The following PRKN variants were observed in gnomAD, a reference collection of about 807,000 sequenced individuals.
PRKN encodes parkin RBR E3 ubiquitin protein ligase.
PRKN carries 56 observed loss-of-function variants against 59.5 expected under a neutral mutation model. The observed-to-expected ratio is 0.94, with a 90% CI of 0.76 to 1.18. The LOEUF is 1.18. Among genes scored for constraint, PRKN ranks in the 50% most tolerant of loss-of-function variants. The pLI is 0.00. For synonymous variants in PRKN, 250 were observed against 222.1 expected, an observed-to-expected ratio of 1.13 and a Z score of -1.12; for missense variants, 657 against 596.4, an observed-to-expected ratio of 1.10 and a Z score of -1.06.
intron 1 of PRKN, among the ~76,000 whole-genome samples, chr6:162,633,191 T>C (rs1380395922): frequency 2.6e-5 from 4 of 151,646 alleles, no homozygotes; most frequent in African/African-American, 9.7e-5. Flanking sequence ...CCCAGCACTT[T>C]GGGAGGCCGA....
chr6:161,960,716 G>A (rs1436236348), intron 6 of PRKN, among the ~76,000 whole-genome samples: 2 of 152,178 alleles, frequency 1.3e-5, no homozygotes, highest in East Asian at 3.9e-4. Flanking sequence ...GCAGCTTGCT[G>A]GGGACAGAAA....
intron 9 of PRKN, among the ~76,000 whole-genome samples, chr6:161,464,318 C>A (rs1790346014): frequency 6.6e-6 from 1 of 152,158 alleles, no homozygotes; most frequent in African/African-American, 2.4e-5. Flanking sequence ...CCAGCTGGTA[C>A]TTTCTCAAGC....
chr6:162,018,777 T>A (rs1057305252), intron 5 of PRKN, among the ~76,000 whole-genome samples: 10 of 152,190 alleles, frequency 6.6e-5, no homozygotes, highest in Admixed American at 2.0e-4. Context: ...TACCATTAAA[T>A]AAATCCTACA....
At chr6:162,246,352 T>C (rs573194339) in intron 3 of PRKN, among the ~76,000 whole-genome samples, 3 of 152,204 alleles carry the variant, frequency 2.0e-5, no homozygotes, top group South Asian at 2.1e-4. Context: ...CAAAGAGACA[T>C]GCCTAGAAAG....
intron 7 of PRKN, among the ~76,000 whole-genome samples, chr6:161,651,231 C>G (rs1784137973): frequency 6.6e-6 from 1 of 152,176 alleles, no homozygotes; most frequent in Non-Finnish European, 1.5e-5. Context: ...TTAGCAGGGT[C>G]AAAATATGTA....
intron 1 of PRKN, among the ~76,000 whole-genome samples, chr6:162,510,255 T>G (rs964481243): frequency 2.0e-5 from 3 of 152,356 alleles, no homozygotes; most frequent in Non-Finnish European, 2.9e-5. Context: ...TATTTTCCTC[T>G]TTTGCAATTG....
intron 6 of PRKN, among the ~76,000 whole-genome samples, chr6:161,874,287 T>TGAAA (rs796579223): frequency 6.2e-5 from 1 of 16,188 alleles, no homozygotes; most frequent in Non-Finnish European, 1.2e-4. Context: ...ATATTATATA[T>TGAAA]TATATATTAC....
rs1198831779 is a variant in PRKN at position 161,480,015 on chromosome 6, G to A, written c.1083+68839C>T. Among the ~76,000 whole-genome samples, 2 of 152,204 alleles carry A rather than the reference G, an allele frequency of 1.3e-5. No homozygotes were observed. Among genetic ancestry groups the A allele is most frequent in the Non-Finnish European group, 2.9e-5 (2 of 68,034 alleles). On this transcript the variant is annotated intron_variant, in intron 9 of 11. Transcript: ENST00000366898. The surrounding 1 kb of genome is among the most constrained non-coding windows in gnomAD (Gnocchi z 4.1). The stretch of plus-strand genomic sequence containing the variant: ...AATTCCTTGCTCCCTTCCCTCTGGT[G>A]CGGGATCATGGAAGCCCAGGTGAAG...
At chr6:161,489,561 A>G (rs1777467590) in intron 9 of PRKN, among the ~76,000 whole-genome samples, 1 of 152,230 alleles carries the variant, frequency 6.6e-6, no homozygotes, top group Non-Finnish European at 1.5e-5. Flanking sequence ...CTCCATCTCA[A>G]AAACAACAAC....
intron 5 of PRKN, among the ~76,000 whole-genome samples, chr6:162,053,697 T>C (rs1253641251): frequency 6.6e-6 from 1 of 152,096 alleles, no homozygotes; most frequent in Non-Finnish European, 1.5e-5. Context: ...CAATTTTGAA[T>C]GATGGGGAAT....
rs71567655 is a variant in PRKN at position 162,547,483 on chromosome 6, G to A, written c.8-104010C>T. ...AATTGGATATTTACAAAAACCCGTC[G>A]ATTGAAGTAGGCAGCAATTCTTTCT... On this transcript the variant is annotated intron_variant, in intron 1 of 11. Transcript: ENST00000366898. 7.9e-3 allele frequency among the ~76,000 whole-genome samples: 1,202 copies of A among 152,256 alleles called. 16 individuals are homozygous for A. Among genetic ancestry groups the A allele is most frequent in the Non-Finnish European group, 0.011 (753 of 68,022 alleles).
Position 161,497,905 on chromosome 6 carries a change from A to G in PRKN, c.1083+50949T>C, listed in dbSNP as rs970627081. On this transcript the variant is annotated intron_variant, in intron 9 of 11. Transcript: ENST00000366898. The surrounding 1 kb of genome is among the most constrained non-coding windows in gnomAD (Gnocchi z 4.6). ...GATGCTTTCCAATTATTTTCACTTC[A>G]AAGAAATACTTTAATATATTTAGTT... 3.9e-5 allele frequency among the ~76,000 whole-genome samples: 6 copies of G among 152,184 alleles called. No individual in the cohort carries two copies. Among genetic ancestry groups the G allele is most frequent in the Non-Finnish European group, 7.3e-5 (5 of 68,036 alleles).
intron 2 of PRKN, among the ~76,000 whole-genome samples, chr6:162,329,511 C>G (rs73600126): frequency 0.05 from 7,625 of 152,144 alleles, 632 homozygotes; most frequent in African/African-American, 0.17. Flanking sequence ...AGCATCAGGT[C>G]TGGCCTTGGT....
At chr6:161,874,903 ATATAT>A in intron 6 of PRKN, among the ~76,000 whole-genome samples, 1 of 105,118 alleles carries the variant, frequency 9.5e-6, no homozygotes, top group East Asian at 2.6e-4. Flanking sequence ...AATATATAAT[ATATAT>A]TATAAAATAT....
chr6:161,508,668 C>T (rs1778263239), intron 9 of PRKN, among the ~76,000 whole-genome samples: 1 of 152,260 alleles, frequency 6.6e-6, no homozygotes. Context: ...TCAAGCCGAT[C>T]CTCACAGATC....
At position 161,569,388 on chromosome 6, in the gene PRKN, C is replaced by T. The variant is rs1271760840; in HGVS notation, c.900G>A (p.Glu300=). The T allele has an allele frequency of 6.2e-7, 1 of 1,614,002 alleles. No homozygotes were observed. The highest frequency in any genetic ancestry group is 1.1e-5 in the South Asian group (1 of 91,078). ...VAGCPNSLIK[E]LHHFRILGEE... Reference sequence around the variant, plus strand: ...CTCCCAGAATCCTGAAGTGATGGAGCTCTTTAATCAAGGAGTTGGGACAGC... The same window carrying T: ...CTCCCAGAATCCTGAAGTGATGGAGTTCTTTAATCAAGGAGTTGGGACAGC... The change falls in exon 8 of 12, where the codon GAG becomes GAA. Residue 300 remains glutamate, a synonymous_variant. Transcript: ENST00000366898.
At chr6:161,777,779 GTATATGTA>G (rs1790002708) in intron 7 of PRKN, among the ~76,000 whole-genome samples, 1 of 138,164 alleles carries the variant, frequency 7.2e-6, no homozygotes, top group South Asian at 2.2e-4. Context: ...ATGTATATAT[GTATATGTA>G]TATATGATAT....
chr6:161,441,834 C>T (rs372903575), intron 9 of PRKN, among the ~76,000 whole-genome samples: 7 of 152,216 alleles, frequency 4.6e-5, no homozygotes, highest in East Asian at 1.9e-4. Context: ...CTCGGCCATC[C>T]GGCATCTTCC....
chr6:161,796,777 G>A (rs1344440788), intron 6 of PRKN, among the ~76,000 whole-genome samples: 1 of 152,096 alleles, frequency 6.6e-6, no homozygotes, highest in South Asian at 2.1e-4. Flanking sequence ...TAGTTTCTGG[G>A]TCATATCATT....
Sources: allele counts gnomAD v4.1 joint callset (sites outside exome capture counted in the v4.1 genomes callset), GRCh38; gene constraint gnomAD v4.1.1; non-coding constraint Gnocchi (gnomAD v3.1); transcripts MANE v1.5; gene names NCBI Gene and HGNC (gene_info 2026-07-23, HGNC 2026-07-21).